LRRC37A: variants seen among roughly 807,000 people sequenced by gnomAD.
LRRC37A encodes leucine-rich repeat-containing protein 37A.
Under a neutral mutation model 35.4 loss-of-function variants are expected in LRRC37A, and 3 were observed. The observed-to-expected ratio is 0.08, with a 90% CI of 0.04 to 0.22. The LOEUF is 0.22. LRRC37A is among the 10% of genes least tolerant of loss of function. LRRC37A has a pLI of 1.00. For missense variants in LRRC37A, 67 were observed against 565.3 expected (o/e 0.12, Z 8.94); for synonymous variants, 23 against 215.0 (o/e 0.11, Z 7.81).
intron 7 of LRRC37A, among the ~76,000 whole-genome samples, chr17:46,327,825 C>A (rs1302174167): frequency 4.5e-4 from 5 of 11,148 alleles, no homozygotes; most frequent in African/African-American, 6.7e-4. Flanking sequence ...AACTCCTCCT[C>A]TTTCTTTTTC....
chr17:46,274,086 T>C, the LRRC37A span, among the ~76,000 whole-genome samples: 18,471 of 152,216 alleles, frequency 0.12, no homozygotes, highest in Non-Finnish European at 0.18. Flanking sequence ...TCCAGGAGAA[T>C]TCCAGGTACA....
At chr17:46,258,189 G>A in the LRRC37A span, among the ~76,000 whole-genome samples, 2 of 152,158 alleles carry the variant, frequency 1.3e-5, no homozygotes, top group South Asian at 2.1e-4. Flanking sequence ...TAAGAGTTCA[G>A]TCTTTCTAAG....
At chr17:46,289,826 T>C (rs1364282157), upstream of LRRC37A, among the ~76,000 whole-genome samples, 5 of 152,224 alleles carry the variant, frequency 3.3e-5, 1 homozygote, top group African/African-American at 7.2e-5. Flanking sequence ...TTTTTCCTTC[T>C]TTGAAAAAAT....
chr17:46,258,219 C>CTTTTTTTTTTTTTT, the LRRC37A span, among the ~76,000 whole-genome samples: 3 of 147,128 alleles, frequency 2.0e-5, no homozygotes, highest in Admixed American at 6.9e-5. Flanking sequence ...GAAAGAGATT[C>CTTTTTTTTTTTTTT]TTTTTTTTTT....
chr17:46,280,905 C>T, the LRRC37A span, among the ~76,000 whole-genome samples: 1 of 152,142 alleles, frequency 6.6e-6, no homozygotes, highest in African/African-American at 2.4e-5. Flanking sequence ...AAATACCTGC[C>T]AAGAAAGGGT....
At chr17:46,260,865 C>T in the LRRC37A span, among the ~76,000 whole-genome samples, 1 of 152,216 alleles carries the variant, frequency 6.6e-6, no homozygotes, top group African/African-American at 2.4e-5. Flanking sequence ...TCAGGTGATC[C>T]ACCCACCTCG....
chr17:46,266,992 T>C, the LRRC37A span: 21,864 of 158,382 alleles, frequency 0.14, 11 homozygotes, highest in Non-Finnish European at 0.21. Context: ...CGCGCGCCGT[T>C]GTGCCGGCCC....
the LRRC37A span, among the ~76,000 whole-genome samples, chr17:46,252,592 C>T: frequency 1.3e-5 from 2 of 149,400 alleles, no homozygotes; most frequent in African/African-American, 2.4e-5. Flanking sequence ...AGCATGCTGC[C>T]TTCAAGCATC....
the LRRC37A span, among the ~76,000 whole-genome samples, chr17:46,267,737 C>A: frequency 6.6e-6 from 1 of 152,012 alleles, no homozygotes. Context: ...CAGCTGTTGG[C>A]ACAAAGCGGG....
At chr17:46,327,701 A>G (rs377723546) in intron 7 of LRRC37A, among the ~76,000 whole-genome samples, 6 of 12,480 alleles carry the variant, frequency 4.8e-4, no homozygotes, top group Admixed American at 1.2e-3. Flanking sequence ...ATGTGCATCA[A>G]TGATAATCCT....
At chr17:46,262,365 T>C in the LRRC37A span, among the ~76,000 whole-genome samples, 1 of 151,300 alleles carries the variant, frequency 6.6e-6, no homozygotes, top group African/African-American at 2.4e-5. Flanking sequence ...TCCCCTCTTC[T>C]TCTTCTTCTT....
chr17:46,279,803 C>T, the LRRC37A span, among the ~76,000 whole-genome samples: 16 of 152,304 alleles, frequency 1.1e-4, no homozygotes, highest in East Asian at 2.7e-3. Context: ...CCAACAGGCC[C>T]TCCTACACAA....
chr17:46,305,708 CT>C, intron 4 of LRRC37A, 128 bp downstream of exon 4: 1 of 278,786 alleles, frequency 3.6e-6, no homozygotes, highest in Admixed American at 5.4e-5. Context: ...ACAGCAAATC[CT>C]TTTTGTCTCT....
intron 3 of LRRC37A, among the ~76,000 whole-genome samples, chr17:46,304,860 CTTGTTTGT>C (rs1295057613): frequency 5.0e-5 from 3 of 59,862 alleles, no homozygotes; most frequent in Admixed American, 1.9e-4. Flanking sequence ...AAATGTGAGA[CTTGTTTGT>C]TTGTTTGTTT....
At chr17:46,257,189 G>A in the LRRC37A span, among the ~76,000 whole-genome samples, 2 of 151,864 alleles carry the variant, frequency 1.3e-5, no homozygotes, top group East Asian at 3.9e-4. Flanking sequence ...GCTCACACCT[G>A]TAATCCCAGC....
At chr17:46,274,061 G>A in the LRRC37A span, among the ~76,000 whole-genome samples, 1 of 152,210 alleles carries the variant, frequency 6.6e-6, no homozygotes, top group East Asian at 1.9e-4. Flanking sequence ...ATGATAAAAC[G>A]AGGGGCCACT....
At chr17:46,287,222 C>T in the LRRC37A span, among the ~76,000 whole-genome samples, 15 of 152,216 alleles carry the variant, frequency 9.9e-5, no homozygotes, top group Admixed American at 3.9e-4. Flanking sequence ...TAAAAACATA[C>T]TGGAATTTGA....
At chr17:46,267,173 G>C in the LRRC37A span, 1 of 568,806 alleles carries the variant, frequency 1.8e-6, no homozygotes, top group African/African-American at 2.0e-5. Context: ...CCGCCGCGCC[G>C]CCGCCCCGCG....
the LRRC37A span, among the ~76,000 whole-genome samples, chr17:46,251,263 T>A: frequency 3.3e-5 from 5 of 151,936 alleles, no homozygotes; most frequent in Non-Finnish European, 7.4e-5. Context: ...AACATCTTTT[T>A]TTTTTTTTTT....
Sources: gnomAD v4.1 joint callset for allele counts (sites outside exome capture counted in the v4.1 genomes callset) on GRCh38, gnomAD v4.1.1 for gene constraint, MANE v1.5 for transcripts, NCBI Gene and HGNC (gene_info 2026-07-23, HGNC 2026-07-21) for gene names.